TGFBRAP1: variants seen among roughly 807,000 people sequenced by gnomAD.
TGFBRAP1 encodes the protein transforming growth factor-beta receptor-associated protein 1.
Under a neutral mutation model 83.2 loss-of-function variants are expected in TGFBRAP1, and 20 were observed. The ratio of observed to expected loss-of-function variants is 0.24; its 90% CI spans 0.17 to 0.35. The LOEUF (loss-of-function observed/expected upper bound fraction) is 0.35, where lower values mean the gene tolerates loss of function less well. Among genes scored for constraint, TGFBRAP1 ranks in the 10% least tolerant of loss-of-function variants. TGFBRAP1 has a pLI of 1.00. For missense variants in TGFBRAP1, 950 were observed against 1,099.4 expected (o/e 0.86, Z 1.92); for synonymous variants, 415 against 459.8 (o/e 0.90, Z 1.25).
Position 105,267,227 on chromosome 2 carries a change from G to A in TGFBRAP1, c.*156C>T. 3.7e-6 allele frequency: 3 copies of A among 805,694 alleles called. 1 individual carries two copies. The highest frequency in any genetic ancestry group is 4.0e-5 in the South Asian group (2 of 50,274). The allele number at this position is 805,694 out of a possible 1,614,324, so 49.9% of individuals were successfully genotyped here. On this transcript the variant is annotated 3_prime_UTR_variant, in exon 12 of 12. Transcript: ENST00000393359. ...GTACATTCATAGAGCCTGGTCAGCA[G>A]CGAGGAGTCCTTGTTGCGTATGGAC...
At chr2:105,251,586 G>A in the TGFBRAP1 span, among the ~76,000 whole-genome samples, 968 of 151,186 alleles carry the variant, frequency 6.4e-3, 6 homozygotes, top group African/African-American at 0.023. Flanking sequence ...CTGCCCGGCC[G>A]CCCCTACTGG....
At chr2:105,289,083 G>A (rs1278321495) in intron 4 of TGFBRAP1, among the ~76,000 whole-genome samples, 1 of 152,104 alleles carries the variant, frequency 6.6e-6, no homozygotes, top group Non-Finnish European at 1.5e-5. Context: ...AAGGAAGCCT[G>A]CAATGGACAC....
chr2:105,319,338 A>G (rs1460935688), intron 1 of TGFBRAP1, among the ~76,000 whole-genome samples: 1 of 150,734 alleles, frequency 6.6e-6, no homozygotes, highest in African/African-American at 2.4e-5. Flanking sequence ...TTGCAATTAC[A>G]GGCGTGAGCC....
At chr2:105,298,383 G>T (rs916561611) in intron 3 of TGFBRAP1, 128 bp downstream of exon 3, 15 of 917,694 alleles carry the variant, frequency 1.6e-5, no homozygotes, top group Non-Finnish European at 2.2e-5. Flanking sequence ...GAAGCACAGA[G>T]ACTGTATTGG....
At chr2:105,289,018 T>TG (rs1677811600) in intron 4 of TGFBRAP1, among the ~76,000 whole-genome samples, 1 of 152,188 alleles carries the variant, frequency 6.6e-6, no homozygotes, top group African/African-American at 2.4e-5. Context: ...ACCCTGCACC[T>TG]GTTACTGTCC....
At chr2:105,325,274 G>T (rs1679192026) in intron 1 of TGFBRAP1, among the ~76,000 whole-genome samples, 1 of 152,098 alleles carries the variant, frequency 6.6e-6, no homozygotes, top group African/African-American at 2.4e-5. Flanking sequence ...CACCCTGACT[G>T]CCCCCTCAGG....
In TGFBRAP1 at chr2:105,308,258, C is replaced by T. The variant is rs769590502; in HGVS notation, c.44G>A (p.Arg15Gln). 3.7e-6 allele frequency: 6 copies of T among 1,614,100 alleles called. No homozygotes were observed. Among genetic ancestry groups the T allele is most frequent in the Admixed American group, 1.7e-5 (1 of 60,018 alleles). ...KAFTLVSAVE[R>Q]ELLMGDKERV... ...CTCCTTGTCGCCCATCAGCAGCTCC[C>T]GCTCCACAGCAGAGACAAGCGTAAA... The change falls in exon 2 of 12, where the codon CGG (arginine) becomes CAG (glutamine). Residue 15 changes from arginine (R) to glutamine (Q), a missense_variant. Coordinates refer to ENST00000393359, the MANE Select transcript of TGFBRAP1 (RefSeq NM_004257.6).
chr2:105,253,642 C>T, the TGFBRAP1 span, among the ~76,000 whole-genome samples: 49 of 152,146 alleles, frequency 3.2e-4, no homozygotes, highest in East Asian at 8.3e-3. Flanking sequence ...ACTATGTTGC[C>T]CAGGCTCATC....
intron 4 of TGFBRAP1, among the ~76,000 whole-genome samples, chr2:105,288,499 G>A (rs958110306): frequency 8.5e-5 from 13 of 152,158 alleles, no homozygotes; most frequent in East Asian, 3.8e-4. Flanking sequence ...CTACCAAAGC[G>A]CAGAGGACAG....
At chr2:105,260,204 T>G (rs1266706833), downstream of TGFBRAP1, among the ~76,000 whole-genome samples, 3 of 151,860 alleles carry the variant, frequency 2.0e-5, no homozygotes, top group African/African-American at 7.3e-5. Context: ...AGGTCAGGAG[T>G]TCGAGACCAG....
At chr2:105,326,942 G>A (rs1370157293) in intron 1 of TGFBRAP1, among the ~76,000 whole-genome samples, 1 of 152,102 alleles carries the variant, frequency 6.6e-6, no homozygotes, top group East Asian at 1.9e-4. Flanking sequence ...ACCAAATTAA[G>A]TTGTTACTCT....
chr2:105,272,783 T>C (rs2104315858), intron 10 of TGFBRAP1, 72 bp downstream of exon 10: 2 of 1,580,070 alleles, frequency 1.3e-6, no homozygotes, highest in Non-Finnish European at 8.6e-7. Context: ...GCCAAAGCCC[T>C]TCTCTCTGCT....
At chr2:105,267,827 A>T (rs1479074924) in intron 11 of TGFBRAP1, 3 of 985,328 alleles carry the variant, frequency 3.0e-6, no homozygotes, top group Non-Finnish European at 3.6e-6. Flanking sequence ...TCTACTTAAG[A>T]TCCTCTCTCC....
At chr2:105,289,150 G>A (rs1287814832) in intron 4 of TGFBRAP1, among the ~76,000 whole-genome samples, 7 of 152,032 alleles carry the variant, frequency 4.6e-5, no homozygotes, top group East Asian at 1.9e-4. Flanking sequence ...GGGACGCAGC[G>A]AGGTGGTGGC....
At chr2:105,268,525 C>A (rs549846755) in intron 11 of TGFBRAP1, among the ~76,000 whole-genome samples, 11 of 152,278 alleles carry the variant, frequency 7.2e-5, no homozygotes, top group Admixed American at 4.6e-4. Flanking sequence ...ACAGCATTTA[C>A]AAAAGCAACA....
At chr2:105,314,269 T>C (rs1239059642) in intron 1 of TGFBRAP1, among the ~76,000 whole-genome samples, 1 of 149,146 alleles carries the variant, frequency 6.7e-6, no homozygotes, top group Non-Finnish European at 1.5e-5. Context: ...TTTTTTTTTT[T>C]TGAGACAGTC....
At chr2:105,260,549 C>G (rs114075465), downstream of TGFBRAP1, among the ~76,000 whole-genome samples, 435 of 152,206 alleles carry the variant, frequency 2.9e-3, 2 homozygotes, top group African/African-American at 1.0e-2. Context: ...TAGTCAAGCT[C>G]ATAGAGATAG....
In TGFBRAP1 at chr2:105,274,422, T is replaced by G. The variant is rs1677267793; in HGVS notation, c.1666-732A>C. ...CATTCACGTATCATGTATTATGGTA[T>G]GAATTTTGGATTCTATAAGCCTGGA... On this transcript the variant is annotated intron_variant, in intron 8 of 11. Coordinates refer to ENST00000393359, the MANE Select transcript of TGFBRAP1 (RefSeq NM_004257.6). Among the ~76,000 whole-genome samples the G allele has an allele frequency of 3.3e-5, 5 of 152,234 alleles. No individual in the cohort carries two copies. The South Asian group carries it at 1.0e-3, about 32-fold the overall frequency.
At chr2:105,314,669 C>T (rs1241824541) in intron 1 of TGFBRAP1, among the ~76,000 whole-genome samples, 1 of 151,904 alleles carries the variant, frequency 6.6e-6, no homozygotes, top group East Asian at 1.9e-4. Context: ...TGAAAACAGG[C>T]AGGGTTTGGT....
Sources: allele counts gnomAD v4.1 joint callset (sites outside exome capture counted in the v4.1 genomes callset), GRCh38; gene constraint gnomAD v4.1.1; transcripts MANE v1.5; gene names NCBI Gene and HGNC (gene_info 2026-07-23, HGNC 2026-07-21).